Variants in FGD3 observed in about 807,000 individuals in gnomAD.
The protein encoded by FGD3 is FYVE, RhoGEF and PH domain containing 3.
FGD3 carries 45 observed loss-of-function variants against 71.8 expected under a neutral mutation model. The observed-to-expected ratio is 0.63, with a 90% CI of 0.49 to 0.80. The LOEUF is 0.80. FGD3 is among the 30% of genes least tolerant of loss of function. The pLI, the probability that FGD3 is intolerant of heterozygous loss-of-function variation, is 0.00. For missense variants in FGD3, 844 were observed against 951.5 expected (o/e 0.89, Z 1.49); for synonymous variants, 378 against 392.8 (o/e 0.96, Z 0.44).
chr9:92,955,601 G>A (rs1373963224), intron 1 of FGD3, among the ~76,000 whole-genome samples: 1 of 152,086 alleles, frequency 6.6e-6, no homozygotes, highest in East Asian at 1.9e-4. Context: ...CCTTTACCCG[G>A]GATTTCCCAG....
chr9:92,989,500 T>C (rs1860317917), intron 3 of FGD3, among the ~76,000 whole-genome samples: 1 of 152,230 alleles, frequency 6.6e-6, no homozygotes, highest in Non-Finnish European at 1.5e-5. Context: ...TAGAAGTTTA[T>C]TTTGCCAAGG....
At chr9:93,006,733 A>ATT (rs1248056423) in intron 6 of FGD3, among the ~76,000 whole-genome samples, 2 of 144,888 alleles carry the variant, frequency 1.4e-5, no homozygotes, top group East Asian at 2.0e-4. Context: ...TTTTTATTTT[A>ATT]TTTTTTTTTT....
intron 13 of FGD3, 137 bp from the exon 14 acceptor site, chr9:93,022,190 C>T: frequency 1.2e-6 from 1 of 817,166 alleles, no homozygotes; most frequent in South Asian, 1.9e-5. Flanking sequence ...ACAGCAAATC[C>T]TAGGCCTGGG....
intron 6 of FGD3, among the ~76,000 whole-genome samples, chr9:93,006,690 T>C (rs1278604501): frequency 6.6e-6 from 1 of 152,188 alleles, no homozygotes; most frequent in East Asian, 1.9e-4. Context: ...GTCATGCATG[T>C]CACAGATTAT....
Position 93,018,164 on chromosome 9 carries a change from CACAT to C in FGD3, c.1309_1312del (p.Thr437SerfsTer3). On this transcript the variant is annotated frameshift_variant, in exon 11 of 18. Transcript: ENST00000375482. LOFTEE classifies it high-confidence loss of function. The stretch of plus-strand genomic sequence containing the variant: ...CAGGATATCGTCAAGCCAAACACAG[CACAT>C]ACATTCATCATAACAGGAAGAAAAA... 6.2e-7 allele frequency: 1 copy of C among 1,614,166 alleles called. No individual in the cohort carries two copies.
chr9:92,948,800 G>A (rs1858901592), intron 1 of FGD3, among the ~76,000 whole-genome samples: 1 of 152,198 alleles, frequency 6.6e-6, no homozygotes, highest in Admixed American at 6.5e-5. Flanking sequence ...CTTGTGTTGG[G>A]GCAGGGGTGG....
intron 10 of FGD3, among the ~76,000 whole-genome samples, chr9:93,017,004 C>CA (rs1179170927): frequency 6.6e-6 from 1 of 152,218 alleles, no homozygotes; most frequent in Non-Finnish European, 1.5e-5. Context: ...TTCGCTGGCT[C>CA]ACGCCTACAA....
intron 1 of FGD3, among the ~76,000 whole-genome samples, chr9:92,948,850 C>G (rs1858902229): frequency 6.6e-6 from 1 of 152,182 alleles, no homozygotes; most frequent in Non-Finnish European, 1.5e-5. Context: ...AACGCCTTCT[C>G]TGTGTTGTGC....
At chr9:93,034,318 C>T (rs1434187659) in intron 16 of FGD3, 4 of 498,170 alleles carry the variant, frequency 8.0e-6, no homozygotes, top group East Asian at 3.5e-5. Flanking sequence ...TTGGAGGGCC[C>T]AGCCTGCAAA....
intron 1 of FGD3, among the ~76,000 whole-genome samples, chr9:92,953,772 T>C (rs1362177212): frequency 6.6e-6 from 1 of 152,218 alleles, no homozygotes; most frequent in African/African-American, 2.4e-5. Flanking sequence ...AATTTCAATT[T>C]AAAGTAACCT....
chr9:93,015,892 C>A, intron 10 of FGD3, 63 bp downstream of exon 10: 3 of 1,484,960 alleles, frequency 2.0e-6, no homozygotes, highest in Non-Finnish European at 2.8e-6. Flanking sequence ...GGACTGGGGA[C>A]ACCAGGCTCT....
At chr9:93,009,985 C>T (rs550142807) in intron 6 of FGD3, among the ~76,000 whole-genome samples, 56 of 152,304 alleles carry the variant, frequency 3.7e-4, no homozygotes, top group African/African-American at 1.3e-3. Context: ...TTTTCTCCAC[C>T]GAGGATGCGT....
At chr9:92,960,797 C>T (rs966898025) in intron 1 of FGD3, among the ~76,000 whole-genome samples, 1 of 152,142 alleles carries the variant, frequency 6.6e-6, no homozygotes, top group Non-Finnish European at 1.5e-5. Flanking sequence ...CCAGGGGCTG[C>T]TGAACAGGGT....
At chr9:92,951,783 A>G (rs1299422298) in intron 1 of FGD3, among the ~76,000 whole-genome samples, 1 of 152,192 alleles carries the variant, frequency 6.6e-6, no homozygotes, top group East Asian at 1.9e-4. Context: ...TGAAGGATTC[A>G]TGTAGCTGCG....
chr9:92,972,107 A>G (rs929600957), intron 1 of FGD3, among the ~76,000 whole-genome samples: 2 of 151,960 alleles, frequency 1.3e-5, no homozygotes, highest in Admixed American at 6.6e-5. Context: ...TTTGTTCAGC[A>G]TAATTATTTC....
chr9:92,954,547 G>T (rs1859014021), intron 1 of FGD3, among the ~76,000 whole-genome samples: 1 of 152,146 alleles, frequency 6.6e-6, no homozygotes, highest in African/African-American at 2.4e-5. Flanking sequence ...GCAGGGGCCG[G>T]GGTCACCTTG....
At chr9:92,966,565 A>G (rs1175863936) in intron 1 of FGD3, among the ~76,000 whole-genome samples, 2 of 152,334 alleles carry the variant, frequency 1.3e-5, no homozygotes, top group East Asian at 3.9e-4. Flanking sequence ...CCGCAGACTC[A>G]GGCCTGGAGG....
intron 1 of FGD3, among the ~76,000 whole-genome samples, chr9:92,971,810 T>C (rs1859545316): frequency 6.6e-6 from 1 of 151,988 alleles, no homozygotes; most frequent in African/African-American, 2.4e-5. Context: ...ATGTTTAAAG[T>C]GTACAGTTGG....
At chr9:92,985,627 A>G (rs1053550985) in intron 3 of FGD3, among the ~76,000 whole-genome samples, 1 of 151,984 alleles carries the variant, frequency 6.6e-6, no homozygotes, top group Non-Finnish European at 1.5e-5. Flanking sequence ...TACGGGTGTC[A>G]GCCATCATTC....
Sources: gnomAD v4.1 joint callset for allele counts (sites outside exome capture counted in the v4.1 genomes callset) on GRCh38, gnomAD v4.1.1 for gene constraint, MANE v1.5 for transcripts, NCBI Gene and HGNC (gene_info 2026-07-23, HGNC 2026-07-21) for gene names.